SEMA3A: variants seen among roughly 807,000 people sequenced by gnomAD.
SEMA3A encodes semaphorin 3A, also known as semaphorin-3A.
Under a neutral mutation model 97.9 loss-of-function variants are expected in SEMA3A, and 29 were observed. The observed-to-expected ratio is 0.30, with a 90% CI of 0.22 to 0.40. The LOEUF is 0.40. Among genes scored for constraint, SEMA3A ranks in the 10% least tolerant of loss-of-function variants. SEMA3A has a pLI of 1.00. For missense variants in SEMA3A, 763 were observed against 951.3 expected, an observed-to-expected ratio of 0.80 and a Z score of 2.60; for synonymous variants, 321 against 323.7, an observed-to-expected ratio of 0.99 and a Z score of 0.09.
intron 1 of SEMA3A, among the ~76,000 whole-genome samples, chr7:84,431,705 C>T (rs1233667719): frequency 6.6e-6 from 1 of 151,290 alleles, no homozygotes; most frequent in African/African-American, 2.4e-5. Flanking sequence ...ATAGATAAAG[C>T]CAGCTTCAAT....
In SEMA3A at chr7:84,062,509, G is replaced by C. The variant is rs116569531; in HGVS notation, c.454-1951C>G. ...TTTCTGCATTTCCATCTCAGGTACC[G>C]GGTTCACCTCACTACGGAGTGCGAG... On this transcript the variant is annotated intron_variant, in intron 4 of 16. Transcript: ENST00000265362. 2.8e-3 allele frequency among the ~76,000 whole-genome samples: 433 copies of C among 152,268 alleles called. 2 individuals carry two copies. Among genetic ancestry groups the C allele is most frequent in the African/African-American group, 9.7e-3 (404 of 41,554 alleles).
intron 3 of SEMA3A, among the ~76,000 whole-genome samples, chr7:84,224,847 C>A (rs1036285775): frequency 6.6e-6 from 1 of 151,966 alleles, no homozygotes; most frequent in Admixed American, 6.6e-5. Context: ...TTAACTGATT[C>A]ATTGGTTTTT....
At chr7:84,284,438 C>T (rs1161868970) in intron 3 of SEMA3A, among the ~76,000 whole-genome samples, 1 of 152,078 alleles carries the variant, frequency 6.6e-6, no homozygotes, top group Admixed American at 6.6e-5. Flanking sequence ...AAATAGGAAA[C>T]ACAGCCCTAA....
intron 1 of SEMA3A, among the ~76,000 whole-genome samples, chr7:84,187,082 C>A (rs1311614665): frequency 2.6e-5 from 4 of 152,132 alleles, no homozygotes; most frequent in African/African-American, 9.7e-5. Flanking sequence ...GCAAGTGTTG[C>A]TCTTGACAAG....
intron 6 of SEMA3A, among the ~76,000 whole-genome samples, chr7:84,031,390 GT>G (rs1449804904): frequency 6.6e-6 from 1 of 151,968 alleles, no homozygotes; most frequent in Non-Finnish European, 1.5e-5. Flanking sequence ...CTTCTTAAAG[GT>G]TTCATATAAT....
chr7:84,263,576 T>A (rs1050529019), intron 3 of SEMA3A, among the ~76,000 whole-genome samples: 4 of 152,220 alleles, frequency 2.6e-5, no homozygotes, highest in African/African-American at 9.7e-5. Context: ...ACATAAATCA[T>A]TCGCAACATG....
chr7:84,282,396 T>C (rs144998523), intron 3 of SEMA3A, among the ~76,000 whole-genome samples: 1 of 152,178 alleles, frequency 6.6e-6, no homozygotes, highest in Non-Finnish European at 1.5e-5. Flanking sequence ...ATTTTTTATG[T>C]TAGCAATTAA....
At chr7:84,272,056 A>T (rs962861438) in intron 3 of SEMA3A, among the ~76,000 whole-genome samples, 6 of 152,092 alleles carry the variant, frequency 3.9e-5, no homozygotes, top group Non-Finnish European at 7.4e-5. Flanking sequence ...ATATACTCAG[A>T]GTGTCTAGCG....
At chr7:84,297,210 C>T (rs1415880018) in intron 3 of SEMA3A, among the ~76,000 whole-genome samples, 3 of 152,142 alleles carry the variant, frequency 2.0e-5, no homozygotes, top group Non-Finnish European at 4.4e-5. Context: ...CTTCTGACCT[C>T]AGGTGATCTG....
At chr7:84,425,426 AATATAAATATAGGCATATATTTATATGC>A (rs1419776185) in intron 1 of SEMA3A, among the ~76,000 whole-genome samples, 2 of 132,496 alleles carry the variant, frequency 1.5e-5, no homozygotes, top group Non-Finnish European at 3.1e-5. Context: ...TATTTATATG[AATATAAATATAGGCATATATTTATATGC>A]ATATAAATAT....
intron 5 of SEMA3A, among the ~76,000 whole-genome samples, chr7:84,055,805 C>A (rs1027312242): frequency 6.6e-6 from 1 of 152,116 alleles, no homozygotes; most frequent in Admixed American, 6.5e-5. Context: ...TTTTGAAAAT[C>A]TGAAGTAGTG....
chr7:84,271,787 T>C (rs767943887), intron 3 of SEMA3A, among the ~76,000 whole-genome samples: 4 of 152,150 alleles, frequency 2.6e-5, no homozygotes, highest in Non-Finnish European at 4.4e-5. Context: ...TCAAAGGTCA[T>C]GCTCCACTGA....
intron 1 of SEMA3A, among the ~76,000 whole-genome samples, chr7:84,386,391 A>T (rs1418024711): frequency 6.6e-6 from 1 of 152,168 alleles, no homozygotes; most frequent in African/African-American, 2.4e-5. Flanking sequence ...TAGTAACCAC[A>T]GCAGGGAGGG....
chr7:84,128,242 T>A (rs1795860246), intron 3 of SEMA3A, among the ~76,000 whole-genome samples: 1 of 148,550 alleles, frequency 6.7e-6, no homozygotes, highest in Non-Finnish European at 1.5e-5. Flanking sequence ...AAAGGATGAA[T>A]ACATGGAAGG....
intron 1 of SEMA3A, among the ~76,000 whole-genome samples, chr7:84,141,645 T>C (rs934007488): frequency 2.0e-5 from 3 of 152,142 alleles, no homozygotes; most frequent in African/African-American, 7.2e-5. Context: ...TTACATATCT[T>C]GCTTCTCCCC....
At chr7:84,366,772 C>G (rs753856872) in intron 2 of SEMA3A, among the ~76,000 whole-genome samples, 2 of 151,330 alleles carry the variant, frequency 1.3e-5, no homozygotes, top group Non-Finnish European at 3.0e-5. Flanking sequence ...ATCCACATGT[C>G]ATTTTCTGAG....
At chr7:84,196,964 T>C (rs972316195), upstream of SEMA3A, among the ~76,000 whole-genome samples, 1 of 152,128 alleles carries the variant, frequency 6.6e-6, no homozygotes, top group African/African-American at 2.4e-5. Flanking sequence ...CCATTTCACC[T>C]GTGTAATGTC....
intron 2 of SEMA3A, among the ~76,000 whole-genome samples, chr7:84,368,044 G>T (rs1802894057): frequency 6.6e-6 from 1 of 151,158 alleles, no homozygotes; most frequent in South Asian, 2.1e-4. Context: ...TGTAACTTGA[G>T]TATATAAGTG....
chr7:84,248,202 T>C (rs1419368388), intron 3 of SEMA3A, among the ~76,000 whole-genome samples: 2 of 152,230 alleles, frequency 1.3e-5, no homozygotes, highest in East Asian at 3.8e-4. Flanking sequence ...TTTCCCCATG[T>C]TGATATTTTC....
Sources: gnomAD v4.1 joint callset for allele counts (sites outside exome capture counted in the v4.1 genomes callset) on GRCh38, gnomAD v4.1.1 for gene constraint, MANE v1.5 for transcripts, NCBI Gene and HGNC (gene_info 2026-07-23, HGNC 2026-07-21) for gene names.